The following BRINP1 variants were observed in gnomAD, a reference collection of about 807,000 sequenced individuals.
BRINP1 encodes the protein BMP/retinoic acid-inducible neural-specific protein 1.
Under a neutral mutation model 72.9 loss-of-function variants are expected in BRINP1, and 17 were observed. That is an observed-to-expected ratio of 0.23 (90% CI 0.16 to 0.35). BRINP1 has a LOEUF of 0.35. Among genes scored for constraint, BRINP1 ranks in the 10% least tolerant of loss-of-function variants. The pLI is 1.00. For synonymous variants in BRINP1, 418 were observed against 378.5 expected (o/e 1.10, Z -1.21); for missense variants, 850 against 1,001.6 (o/e 0.85, Z 2.04).
intron 7 of BRINP1, among the ~76,000 whole-genome samples, chr9:119,193,765 T>C (rs889381748): frequency 8.5e-5 from 13 of 152,214 alleles, no homozygotes; most frequent in African/African-American, 2.2e-4. Flanking sequence ...ACTCTATGTA[T>C]CCAGTGGCCA....
chr9:119,210,110 A>C (rs1416663468), intron 6 of BRINP1, among the ~76,000 whole-genome samples: 1 of 152,226 alleles, frequency 6.6e-6, no homozygotes. Flanking sequence ...TCTTAAAGGT[A>C]ACGTGGCTGA....
At chr9:119,250,581 TGA>T (rs1830377079) in intron 2 of BRINP1, among the ~76,000 whole-genome samples, 1 of 152,212 alleles carries the variant, frequency 6.6e-6, no homozygotes, top group Non-Finnish European at 1.5e-5. Context: ...TAATTTAATG[TGA>T]ATTATTGTTT....
At chr9:119,252,858 C>T (rs1401621111) in intron 2 of BRINP1, among the ~76,000 whole-genome samples, 2 of 152,096 alleles carry the variant, frequency 1.3e-5, no homozygotes, top group Non-Finnish European at 2.9e-5. Context: ...GACTCAATTC[C>T]TTTTTTTGAA....
At chr9:119,354,727 G>A (rs1294834876) in intron 1 of BRINP1, among the ~76,000 whole-genome samples, 6 of 152,110 alleles carry the variant, frequency 3.9e-5, no homozygotes, top group Non-Finnish European at 7.4e-5. Context: ...AAACTTGCCA[G>A]GTGTGGTGGC....
chr9:119,327,231 G>A (rs2119008584), intron 1 of BRINP1, among the ~76,000 whole-genome samples: 1 of 152,282 alleles, frequency 6.6e-6, no homozygotes. Context: ...GTGATTGGCT[G>A]TACTTATCAA....
chr9:119,285,193 G>A (rs1320450604), intron 2 of BRINP1, among the ~76,000 whole-genome samples: 1 of 120,396 alleles, frequency 8.3e-6, no homozygotes, highest in Non-Finnish European at 1.7e-5. Flanking sequence ...TCAAGTTCTT[G>A]CAGGCATCAA....
At chr9:119,253,446 C>A (rs562311800) in intron 2 of BRINP1, among the ~76,000 whole-genome samples, 4 of 152,224 alleles carry the variant, frequency 2.6e-5, no homozygotes, top group Admixed American at 2.6e-4. Flanking sequence ...GAAATCCTGT[C>A]ATTTGCAGCA....
intron 7 of BRINP1, among the ~76,000 whole-genome samples, chr9:119,198,806 G>A (rs149878403): frequency 0.011 from 1,670 of 151,942 alleles, 27 homozygotes; most frequent in African/African-American, 0.038. Flanking sequence ...CGAGTAGCTG[G>A]GATTACAGGT....
chr9:119,245,212 CATAT>C (rs373699851), intron 3 of BRINP1, among the ~76,000 whole-genome samples: 1 of 65,868 alleles, frequency 1.5e-5, no homozygotes, highest in African/African-American at 3.0e-5. Flanking sequence ...CACACACACA[CATAT>C]ACATGTTGCA....
At position 119,167,360 on chromosome 9, in the gene BRINP1, G is replaced by T. The variant is rs184067318; in HGVS notation, c.2010C>A (p.Arg670=). 5.6e-6 allele frequency: 9 copies of T among 1,614,144 alleles called. No homozygotes were observed. The highest frequency in any genetic ancestry group is 7.6e-6 in the Non-Finnish European group (9 of 1,180,014). ...ACTGGTTGACCTGCTGCACTGCACT[G>T]CGCAGGAGGTCGGCGTTGAACCTCA... ...YSLRFNADLL[R]SAVQQVNQSY... The change falls in exon 8 of 8, where the codon CGC becomes CGA. Residue 670 remains arginine, a synonymous_variant. Coordinates refer to ENST00000265922, the MANE Select transcript of BRINP1 (RefSeq NM_014618.3). This position sits in a 1 kb window ranked among gnomAD's most constrained non-coding sequence, Gnocchi z 4.3.
intron 7 of BRINP1, among the ~76,000 whole-genome samples, chr9:119,199,715 A>G (rs1274249212): frequency 6.6e-6 from 1 of 152,166 alleles, no homozygotes; most frequent in Non-Finnish European, 1.5e-5. Context: ...GAAATATCAA[A>G]TCACACTGAC....
chr9:119,227,467 T>C (rs1031240549), intron 5 of BRINP1, among the ~76,000 whole-genome samples: 1 of 151,976 alleles, frequency 6.6e-6, no homozygotes, highest in Non-Finnish European at 1.5e-5. Context: ...AAAGCAACAG[T>C]TGGATGCAGC....
chr9:119,222,680 G>C (rs1354190155), intron 5 of BRINP1, among the ~76,000 whole-genome samples: 2 of 151,958 alleles, frequency 1.3e-5, no homozygotes, highest in Non-Finnish European at 2.9e-5. Flanking sequence ...TAGTGAGGGA[G>C]ATAAGACAAC....
intron 5 of BRINP1, among the ~76,000 whole-genome samples, chr9:119,235,272 A>G (rs1830183144): frequency 6.6e-6 from 1 of 152,198 alleles, no homozygotes; most frequent in African/African-American, 2.4e-5. Context: ...TCAACTCATT[A>G]ATGTGCTGCA....
intron 2 of BRINP1, among the ~76,000 whole-genome samples, chr9:119,255,672 G>C (rs1830438496): frequency 6.6e-6 from 1 of 152,032 alleles, no homozygotes; most frequent in Admixed American, 6.6e-5. Flanking sequence ...AGAAAGGAGA[G>C]GCCAGGTGCA....
At chr9:119,209,305 G>A (rs1422348664) in intron 6 of BRINP1, among the ~76,000 whole-genome samples, 1 of 152,182 alleles carries the variant, frequency 6.6e-6, no homozygotes, top group Non-Finnish European at 1.5e-5. Flanking sequence ...GGGTGCAGTG[G>A]CTCACACCTG....
chr9:119,283,306 G>A (rs1830731341), intron 2 of BRINP1: 11 of 449,238 alleles, frequency 2.4e-5, no homozygotes, highest in Non-Finnish European at 3.2e-5. Context: ...GCCCCAGACA[G>A]ACCCAGTGAC....
At chr9:119,313,526 CATA>C in intron 1 of BRINP1, 121 bp from the exon 2 acceptor site, 1 of 818,050 alleles carries the variant, frequency 1.2e-6, no homozygotes, top group Non-Finnish European at 1.9e-6. Flanking sequence ...AACACATCTT[CATA>C]ATAATACCTT....
intron 5 of BRINP1, among the ~76,000 whole-genome samples, chr9:119,226,049 C>G (rs1479028361): frequency 6.6e-6 from 1 of 151,906 alleles, no homozygotes; most frequent in South Asian, 2.1e-4. Context: ...TCTCAGCGAT[C>G]TCAGTTACAA....
Sources: gnomAD v4.1 joint callset for allele counts (sites outside exome capture counted in the v4.1 genomes callset) on GRCh38, gnomAD v4.1.1 for gene constraint, Gnocchi (gnomAD v3.1) non-coding constraint, MANE v1.5 for transcripts, NCBI Gene and HGNC (gene_info 2026-07-23, HGNC 2026-07-21) for gene names.